EXOC2: variants seen among roughly 807,000 people sequenced by gnomAD.
EXOC2 encodes the protein SEC5-like 1.
EXOC2 carries 70 observed loss-of-function variants against 131.8 expected under a neutral mutation model. The observed-to-expected ratio is 0.53, with a 90% CI of 0.44 to 0.65. The LOEUF (loss-of-function observed/expected upper bound fraction) is 0.65. Among genes scored for constraint, EXOC2 ranks in the 30% least tolerant of loss-of-function variants. The probability of loss-of-function intolerance (pLI) is 0.00; values close to 1 mark genes in which losing one functional copy is unlikely to be tolerated. For synonymous variants in EXOC2, 411 were observed against 398.4 expected, an observed-to-expected ratio of 1.03 and a Z score of -0.38; for missense variants, 923 against 1,108.6, an observed-to-expected ratio of 0.83 and a Z score of 2.38.
chr6:584,661 A>C (rs1260454431), intron 11 of EXOC2, among the ~76,000 whole-genome samples: 5 of 152,246 alleles, frequency 3.3e-5, no homozygotes, highest in African/African-American at 1.2e-4. Context: ...GTTTTCAAAG[A>C]GAACCTGAGC....
At position 572,503 on chromosome 6, in the gene EXOC2, C is replaced by G. The variant is rs756043312; in HGVS notation, c.1443+17G>C. On this transcript the variant is annotated intron_variant, in intron 13 of 27. Coordinates refer to ENST00000230449, the MANE Select transcript of EXOC2 (RefSeq NM_018303.6). ...ACGGTGACTCAGCTCCACCTCTAGC[C>G]GAGTCCGTATACACACCTCACTGAA... is the stretch of plus-strand genomic sequence containing the variant. 1 of 1,600,582 alleles carries G rather than the reference C, an allele frequency of 6.2e-7. No homozygotes were observed.
chr6:599,292 C>T (rs961368688), intron 7 of EXOC2, 67 bp from the exon 8 acceptor site: 15 of 1,421,680 alleles, frequency 1.1e-5, no homozygotes, highest in African/African-American at 2.9e-5. Flanking sequence ...TGTAACTGGG[C>T]ACTAGAAACA....
chr6:527,268 T>C (rs1416502194), intron 23 of EXOC2, among the ~76,000 whole-genome samples: 7 of 152,250 alleles, frequency 4.6e-5, no homozygotes, highest in Non-Finnish European at 7.3e-5. Flanking sequence ...TCTTATTCTC[T>C]AGAAATTCTA....
intron 1 of EXOC2, among the ~76,000 whole-genome samples, chr6:648,920 G>A (rs1762705004): frequency 5.3e-5 from 8 of 151,568 alleles, no homozygotes; most frequent in Admixed American, 4.6e-4. Flanking sequence ...AATAGAGACA[G>A]GGTCTTGCTC....
At chr6:568,762 C>T (rs1213271519) in intron 13 of EXOC2, among the ~76,000 whole-genome samples, 1 of 152,180 alleles carries the variant, frequency 6.6e-6, no homozygotes, top group East Asian at 1.9e-4. Flanking sequence ...AAGATTATTT[C>T]ATAGTCATTT....
chr6:606,061 T>C (rs777929176), intron 7 of EXOC2, among the ~76,000 whole-genome samples: 1 of 152,198 alleles, frequency 6.6e-6, no homozygotes, highest in African/African-American at 2.4e-5. Flanking sequence ...ATGTGGCACA[T>C]ATACACCAGG....
chr6:625,970 T>C (rs368790650), intron 4 of EXOC2, among the ~76,000 whole-genome samples: 5 of 152,180 alleles, frequency 3.3e-5, no homozygotes, highest in Admixed American at 2.6e-4. Context: ...TGTTAGGCAA[T>C]TGAGTATTGA....
intron 11 of EXOC2, among the ~76,000 whole-genome samples, chr6:585,429 G>A (rs1759152871): frequency 6.6e-6 from 1 of 152,148 alleles, no homozygotes; most frequent in Non-Finnish European, 1.5e-5. Flanking sequence ...TAGCACCAGT[G>A]TATATTATTA....
At chr6:553,342 AT>A (rs1183550696) in intron 21 of EXOC2, among the ~76,000 whole-genome samples, 2 of 152,142 alleles carry the variant, frequency 1.3e-5, no homozygotes, top group East Asian at 3.8e-4. Context: ...GTGTGTGTAT[AT>A]ATACATATGT....
intron 22 of EXOC2, among the ~76,000 whole-genome samples, chr6:537,446 G>A (rs575035337): frequency 2.1e-4 from 31 of 150,694 alleles, no homozygotes; most frequent in African/African-American, 7.6e-4. Context: ...CCGACGGAGC[G>A]TACACTCGAG....
chr6:570,719 G>A (rs1032467337), intron 13 of EXOC2, among the ~76,000 whole-genome samples: 1 of 152,230 alleles, frequency 6.6e-6, no homozygotes, highest in Non-Finnish European at 1.5e-5. Context: ...CAGGTGCAGA[G>A]AAGTAATTTG....
intron 19 of EXOC2, among the ~76,000 whole-genome samples, chr6:555,713 C>T (rs1757382000): frequency 6.6e-6 from 1 of 151,924 alleles, no homozygotes; most frequent in Non-Finnish European, 1.5e-5. Context: ...TAGAAAGTAC[C>T]AAGAGAACAC....
At chr6:502,793 C>A (rs990777062) in intron 23 of EXOC2, among the ~76,000 whole-genome samples, 2 of 151,962 alleles carry the variant, frequency 1.3e-5, no homozygotes, top group African/African-American at 4.8e-5. Context: ...TAGATTTTAT[C>A]TTTTTGAATG....
At chr6:495,174 A>G (rs930139803) in intron 25 of EXOC2, among the ~76,000 whole-genome samples, 4 of 136,896 alleles carry the variant, frequency 2.9e-5, no homozygotes, top group Non-Finnish European at 6.1e-5. Context: ...CGTCCAGGCC[A>G]GACTGCAGTG....
At chr6:624,908 A>C (rs978745701) in intron 4 of EXOC2, among the ~76,000 whole-genome samples, 1 of 152,206 alleles carries the variant, frequency 6.6e-6, no homozygotes, top group Non-Finnish European at 1.5e-5. Flanking sequence ...AAAAAGCAAC[A>C]TACGCTCTGA....
chr6:563,038 T>C (rs1757781717), intron 16 of EXOC2, among the ~76,000 whole-genome samples, 193 bp from the exon 17 acceptor site: 2 of 152,242 alleles, frequency 1.3e-5, no homozygotes, highest in Admixed American at 6.5e-5. Flanking sequence ...ATGATTCTAC[T>C]AAGATATTAA....
chr6:564,920 T>C lies in EXOC2; in HGVS notation c.1453A>G (p.Lys485Glu). 1 of 1,596,832 alleles carries C rather than the reference T, an allele frequency of 6.3e-7. No homozygotes were observed. The highest frequency in any genetic ancestry group is 8.5e-7 in the Non-Finnish European group (1 of 1,174,854). Residue 485 changes from lysine (K) to glutamate (E), a missense_variant, in exon 14 of 28, where the codon AAG becomes GAG. Physicochemically the swap from Lys to Glu is moderately conservative, Grantham distance 56 (BLOSUM62 1). Coordinates refer to ENST00000230449, the MANE Select transcript of EXOC2 (RefSeq NM_018303.6). ...NGSLFSETAEKSGQIERSKNV... is the reference protein window; with the variant it reads ...NGSLFSETAEESGQIERSKNV... ...TTTGATCTTTCAATCTGGCCTGACT[T>C]CTCAGCAGTCTTAAAAATTAAAAAA...
intron 1 of EXOC2, among the ~76,000 whole-genome samples, chr6:685,503 G>C (rs1378406441): frequency 6.6e-6 from 1 of 152,166 alleles, no homozygotes; most frequent in Non-Finnish European, 1.5e-5. Context: ...GGAAAATGGT[G>C]ATTTTCTTCC....
chr6:507,745 C>A (rs573989588), intron 23 of EXOC2, among the ~76,000 whole-genome samples: 2 of 152,272 alleles, frequency 1.3e-5, no homozygotes, highest in South Asian at 4.1e-4. Context: ...ATCTGAGCTT[C>A]TGATTTTCTT....
Sources: gnomAD v4.1 joint callset for allele counts (sites outside exome capture counted in the v4.1 genomes callset) on GRCh38, gnomAD v4.1.1 for gene constraint, MANE v1.5 for transcripts, NCBI Gene and HGNC (gene_info 2026-07-23, HGNC 2026-07-21) for gene names.